Variants in NFIC observed in about 807,000 individuals in gnomAD.
NFIC encodes the protein nuclear factor 1 C-type.
NFIC carries 12 observed loss-of-function variants against 54.4 expected under a neutral mutation model. The observed-to-expected ratio is 0.22, with a 90% CI of 0.14 to 0.36. NFIC has a LOEUF of 0.36. Ranked by LOEUF, NFIC falls within the 10% of genes least tolerant of loss-of-function variation. The probability of loss-of-function intolerance (pLI) is 1.00; values close to 1 mark genes in which losing one functional copy is unlikely to be tolerated. For missense variants in NFIC, 575 were observed against 718.2 expected, an observed-to-expected ratio of 0.80 and a Z score of 2.28; for synonymous variants, 322 against 319.2, an observed-to-expected ratio of 1.01 and a Z score of -0.09.
rs1489635885 is a variant in NFIC, at chr19:3,369,206, G to A, written c.30+2540G>A. On this transcript the variant is annotated intron_variant, in intron 1 of 10. Transcript: ENST00000443272. The surrounding 1 kb of genome is among the most constrained non-coding windows in gnomAD (Gnocchi z 4.3). The stretch of plus-strand genomic sequence containing the variant: ...GTGTCTGTCCGATGTGTCTCTGTCT[G>A]TTTCTCTGTCTCTGTCTCTCTGCCC... 6.6e-6 allele frequency among the ~76,000 whole-genome samples: 1 copy of A among 151,586 alleles called. No homozygotes were observed.
chr19:3,448,142 A>C (rs1293741760), intron 6 of NFIC, among the ~76,000 whole-genome samples: 3 of 147,222 alleles, frequency 2.0e-5, no homozygotes, highest in Non-Finnish European at 4.5e-5. Flanking sequence ...GCGTGATCTC[A>C]GCTCACTGCA....
Position 3,468,981 on chromosome 19 carries a change from T to G in NFIC, c.*6212T>G, listed in dbSNP as rs992105471. The G allele has an allele frequency of 5.8e-5, 7 of 120,100 alleles. No individual in the cohort carries two copies. Among genetic ancestry groups the G allele is most frequent in the Non-Finnish European group, 9.7e-5 (6 of 61,592 alleles). 7.4% of individuals were successfully genotyped at this position (120,100 alleles called of 1,614,324 possible). Reference sequence around the variant, plus strand: ...CCCCACCCCGCCCCTCACATCATACTCCAATCATAACCTTGTATATTACGC... The same window carrying G: ...CCCCACCCCGCCCCTCACATCATACGCCAATCATAACCTTGTATATTACGC... On this transcript the variant is annotated 3_prime_UTR_variant, in exon 11 of 11. Transcript: ENST00000443272.
At chr19:3,429,780 A>G (rs1390005223) in intron 3 of NFIC, among the ~76,000 whole-genome samples, 2 of 151,608 alleles carry the variant, frequency 1.3e-5, no homozygotes, top group African/African-American at 4.9e-5. Flanking sequence ...TTCCACTCCA[A>G]CCCTGCTGGC....
At chr19:3,423,155 A>T (rs1877575607) in intron 2 of NFIC, among the ~76,000 whole-genome samples, 1 of 151,846 alleles carries the variant, frequency 6.6e-6, no homozygotes, top group Admixed American at 6.6e-5. Flanking sequence ...CCGCGATCGC[A>T]CCACTGCATT....
At chr19:3,440,004 T>C (rs992676873) in intron 6 of NFIC, among the ~76,000 whole-genome samples, 1 of 152,072 alleles carries the variant, frequency 6.6e-6, no homozygotes, top group African/African-American at 2.4e-5. Flanking sequence ...TGGAAGAATT[T>C]TAACACCCGT....
Position 3,452,579 on chromosome 19 carries a change from C to T in NFIC, c.1182C>T (p.Ile394=). 3 of 1,613,970 alleles carry T rather than the reference C, an allele frequency of 1.9e-6. No individual in the cohort carries two copies. The highest frequency in any genetic ancestry group is 1.7e-6 in the Non-Finnish European group (2 of 1,180,020). Residue 394 remains isoleucine, a synonymous_variant, in exon 8 of 11, where the codon ATC becomes ATT. Transcript: ENST00000443272. This position sits in a 1 kb window ranked among gnomAD's most constrained non-coding sequence, Gnocchi z 5.3. ...CCACCTACTTCCCCCACACGGCCAT[C>T]CGCTACCCACCTCATCTCAACCCCC... ...TASTYFPHTA[I]RYPPHLNPQD...
At chr19:3,388,953 T>C (rs1336763590) in intron 2 of NFIC, among the ~76,000 whole-genome samples, 3 of 152,116 alleles carry the variant, frequency 2.0e-5, no homozygotes, top group African/African-American at 7.2e-5. Flanking sequence ...TGCAGCGAGC[T>C]GAGCTCATGC....
At chr19:3,396,176 AGT>A in intron 2 of NFIC, among the ~76,000 whole-genome samples, 2 of 152,194 alleles carry the variant, frequency 1.3e-5, no homozygotes, top group Admixed American at 6.5e-5. Context: ...CCTGGCTGTA[AGT>A]GTGTGTTTCC....
chr19:3,428,840 T>C (rs1036018319), intron 3 of NFIC, among the ~76,000 whole-genome samples: 4 of 148,572 alleles, frequency 2.7e-5, no homozygotes, highest in Non-Finnish European at 6.0e-5. Flanking sequence ...GGGGGCGTGC[T>C]GACACCAGCT....
At chr19:3,410,931 G>C (rs895339385) in intron 2 of NFIC, 20 of 152,270 alleles carry the variant, frequency 1.3e-4, no homozygotes, top group African/African-American at 4.8e-4. Context: ...AGGTTTCAGG[G>C]TGCAGCCCTT....
intron 1 of NFIC, among the ~76,000 whole-genome samples, chr19:3,367,502 G>C (rs2145424138): frequency 6.6e-6 from 1 of 151,692 alleles, no homozygotes; most frequent in African/African-American, 2.4e-5. Context: ...CCCTCCCGTA[G>C]CCTCTCACCC....
Position 3,433,549 on chromosome 19 carries a change from C to G in NFIC, c.666C>G (p.Thr222=). 6.2e-7 allele frequency: 1 copy of G among 1,614,020 alleles called. No individual in the cohort carries two copies. Among genetic ancestry groups the G allele is most frequent in the South Asian group, 1.1e-5 (1 of 91,088 alleles). ...CCGACTTCCAGGAGAGCTTTGTCACCTCCGGCGTGTTCAGCGTCACTGAGC... is the reference window on the plus strand; with the variant it reads ...CCGACTTCCAGGAGAGCTTTGTCACGTCCGGCGTGTTCAGCGTCACTGAGC... ...DTTDFQESFV[T]SGVFSVTELI... is the part of the protein sequence containing the mutation. The change falls in exon 4 of 11, where the codon ACC becomes ACG. Residue 222 remains threonine, a synonymous_variant. Transcript: ENST00000443272.
At chr19:3,399,268 A>C (rs1450662858) in intron 2 of NFIC, among the ~76,000 whole-genome samples, 1 of 152,212 alleles carries the variant, frequency 6.6e-6, no homozygotes, top group Non-Finnish European at 1.5e-5. Flanking sequence ...GGGAGAGTCA[A>C]TAAGACATAT....
rs1174396786 is a variant in NFIC at position 3,462,886 on chromosome 19, C to T, written c.*117C>T. ...TTAGAGTGAACAAGAACACCCCTGC[C>T]GACTCCCAGCCCGGCCAAAAAGACA... is the stretch of plus-strand genomic sequence containing the variant. On this transcript the variant is annotated 3_prime_UTR_variant, in exon 11 of 11. Coordinates refer to ENST00000443272, the MANE Select transcript of NFIC (RefSeq NM_001245002.2). 13 of 1,582,414 alleles carry T rather than the reference C, an allele frequency of 8.2e-6. No homozygotes were observed. Among genetic ancestry groups the T allele is most frequent in the African/African-American group, 2.7e-5 (2 of 73,796 alleles).
rs976707187 is a variant in NFIC, at chr19:3,453,648, C to T, written c.1270-115C>T. 2.4e-4 allele frequency: 338 copies of T among 1,384,726 alleles called. 1 individual carries two copies. Among genetic ancestry groups the T allele is most frequent in the Non-Finnish European group, 3.2e-4 (334 of 1,048,722 alleles). The allele number at this position is 1,384,726 out of a possible 1,614,324, so 85.8% of individuals were successfully genotyped here. The stretch of plus-strand genomic sequence containing the variant: ...CGCCATGGTCACACCCGCGCCCTGG[C>T]CCCCCAGCCTGCCACCCCGTCCGGG... On this transcript the variant is annotated intron_variant, in intron 8 of 10. Transcript: ENST00000443272. The surrounding 1 kb of genome is among the most constrained non-coding windows in gnomAD (Gnocchi z 6.7).
upstream of NFIC, among the ~76,000 whole-genome samples, chr19:3,362,089 G>GCC (rs2080819156): frequency 6.6e-6 from 1 of 152,188 alleles, no homozygotes; most frequent in Non-Finnish European, 1.5e-5. Context: ...TTTCTGCAGG[G>GCC]CCGAGAGCCC....
At chr19:3,449,164 G>A (rs746841587) in intron 7 of NFIC, 25 bp downstream of exon 7, 18 of 1,603,226 alleles carry the variant, frequency 1.1e-5, no homozygotes, top group South Asian at 2.2e-5. Context: ...CCCCTGGCGG[G>A]GAGGGGCGGC....
chr19:3,365,762 C>G (rs1306746037), upstream of NFIC, among the ~76,000 whole-genome samples: 4 of 152,098 alleles, frequency 2.6e-5, no homozygotes, highest in Admixed American at 6.5e-5. Context: ...GCTGGAGAGA[C>G]ACACAGGCGA....
At chr19:3,403,092 G>C (rs570576250) in intron 2 of NFIC, among the ~76,000 whole-genome samples, 1 of 152,208 alleles carries the variant, frequency 6.6e-6, no homozygotes, top group African/African-American at 2.4e-5. Flanking sequence ...GGTGCCTACT[G>C]TGTGCCAGGC....
Sources: allele counts gnomAD v4.1 joint callset (sites outside exome capture counted in the v4.1 genomes callset), GRCh38; gene constraint gnomAD v4.1.1; non-coding constraint Gnocchi (gnomAD v3.1); transcripts MANE v1.5; gene names NCBI Gene and HGNC (gene_info 2026-07-23, HGNC 2026-07-21).